Variants in MDN1 observed in about 807,000 individuals in gnomAD.
The protein encoded by MDN1 is midasin AAA ATPase 1.
MDN1 carries 266 observed loss-of-function variants against 669.2 expected under a neutral mutation model. The observed-to-expected ratio is 0.40, with a 90% CI of 0.36 to 0.44. The LOEUF is 0.44. Ranked by LOEUF, MDN1 falls within the 20% of genes least tolerant of loss-of-function variation. The pLI is 1.00. For synonymous variants in MDN1, 2,385 were observed against 2,457.1 expected (o/e 0.97, Z 0.87); for missense variants, 5,940 against 6,754.0 (o/e 0.88, Z 4.22).
In MDN1 at chr6:89,699,033, C is replaced by A; in HGVS notation, c.9000G>T (p.Val3000=). The part of the protein sequence containing the change: ...DLWSLLHHQK[V]SPEEITSLWS... ...ACAAAGATGTAATTTCTTCAGGAGA[C>A]ACCTAGAAATAAAGGAATAATTAGG... Residue 3000 remains valine, a splice_region_variant and synonymous_variant, in exon 59 of 102, where the codon GTG becomes GTT. Transcript: ENST00000369393. The A allele has an allele frequency of 6.2e-7, 1 of 1,609,068 alleles. No individual in the cohort carries two copies. Among genetic ancestry groups the A allele is most frequent in the Non-Finnish European group, 8.5e-7 (1 of 1,176,694 alleles).
chr6:89,753,358 C>T (rs1371296628), intron 22 of MDN1, among the ~76,000 whole-genome samples, 154 bp downstream of exon 22: 5 of 151,924 alleles, frequency 3.3e-5, no homozygotes, highest in Admixed American at 2.0e-4. Context: ...GAAACTTTCA[C>T]CATCTAAACA....
intron 82 of MDN1, 131 bp downstream of exon 82, chr6:89,672,069 G>C: frequency 1.1e-6 from 1 of 900,752 alleles, no homozygotes; most frequent in Middle Eastern, 3.4e-4. Context: ...TAAATAAAGA[G>C]ACCAAGTTCT....
rs1325919513 is a variant in MDN1, at chr6:89,785,012, C to T, written c.1449G>A (p.Glu483=). 1 of 1,600,640 alleles carries T rather than the reference C, an allele frequency of 6.2e-7. No homozygotes were observed. Residue 483 remains glutamate, a splice_region_variant and synonymous_variant, in exon 9 of 102, where the codon GAG becomes GAA. Coordinates refer to ENST00000369393, the MANE Select transcript of MDN1 (RefSeq NM_014611.3). The stretch of plus-strand genomic sequence containing the variant: ...TTGATACTTTCCAAGACCCACGTAC[C>T]TCATTCAGTTCTCTCTTATCCAGGT... The part of the protein sequence containing the change: ...LDNLDKRELN[E]VLQSRYPSLL...
intron 2 of MDN1, among the ~76,000 whole-genome samples, chr6:89,801,275 G>A (rs111648679): frequency 1.3e-5 from 2 of 152,126 alleles, no homozygotes. Context: ...TGTAATCCCA[G>A]CACTTTGGGA....
intron 8 of MDN1, among the ~76,000 whole-genome samples, chr6:89,786,293 T>C (rs1403730991): frequency 6.6e-6 from 1 of 151,584 alleles, no homozygotes; most frequent in Non-Finnish European, 1.5e-5. Context: ...AAAATCAAGG[T>C]CTATCAAAAC....
At chr6:89,734,833 T>C (rs1286008248) in intron 33 of MDN1, among the ~76,000 whole-genome samples, 1 of 151,900 alleles carries the variant, frequency 6.6e-6, no homozygotes, top group African/African-American at 2.4e-5. Context: ...AACTATACAG[T>C]TTCTTATCTC....
intron 9 of MDN1, among the ~76,000 whole-genome samples, chr6:89,783,323 G>C (rs1420291264): frequency 1.3e-5 from 2 of 152,096 alleles, no homozygotes; most frequent in African/African-American, 4.8e-5. Flanking sequence ...CCTGTCTTAT[G>C]CGGTTAAGAT....
At chr6:89,754,013 A>G in intron 21 of MDN1, 70 bp downstream of exon 21, 2 of 1,499,902 alleles carry the variant, frequency 1.3e-6, no homozygotes, top group Non-Finnish European at 1.8e-6. Flanking sequence ...TGGCATATGC[A>G]TCCCTATTCC....
At chr6:89,759,459 T>C (rs1226546839) in intron 17 of MDN1, among the ~76,000 whole-genome samples, 2 of 152,162 alleles carry the variant, frequency 1.3e-5, no homozygotes, top group Non-Finnish European at 2.9e-5. Flanking sequence ...GTTTTAGAAA[T>C]AATCCTATTA....
chr6:89,671,011 G>C lies in MDN1; in HGVS notation c.13864C>G (p.Leu4622Val). 6.2e-6 allele frequency: 10 copies of C among 1,614,126 alleles called. No individual in the cohort carries two copies. Among genetic ancestry groups the C allele is most frequent in the Non-Finnish European group, 8.5e-6 (10 of 1,180,016 alleles). The part of the protein sequence containing the change: ...PVLSSYSDLV[L>V]FFLTMSLATH... Reference sequence around the variant, plus strand: ...GCTAAAGACATGGTCAGGAAGAAGAGGACGAGGTCTGAGTAGCTGGAGAGG... The same window carrying C: ...GCTAAAGACATGGTCAGGAAGAAGACGACGAGGTCTGAGTAGCTGGAGAGG... The change falls in exon 83 of 102, where the codon CTC becomes GTC. Residue 4622 changes from leucine (L) to valine (V), a missense_variant. By Grantham distance (32) the Leu-to-Val change is conservative (BLOSUM62 1). Coordinates refer to ENST00000369393, the MANE Select transcript of MDN1 (RefSeq NM_014611.3).
chr6:89,789,701 C>A, intron 7 of MDN1, 79 bp downstream of exon 7: 1 of 1,471,224 alleles, frequency 6.8e-7, no homozygotes, highest in Non-Finnish European at 9.1e-7. Context: ...TAAATCATCA[C>A]CAGAATCACT....
intron 56 of MDN1, 122 bp downstream of exon 56, chr6:89,700,524 G>T: frequency 1.1e-6 from 1 of 886,836 alleles, no homozygotes. Context: ...TTATATAAAG[G>T]TATATAAACT....
At chr6:89,754,784 A>G (rs1817151961) in intron 20 of MDN1, among the ~76,000 whole-genome samples, 1 of 152,218 alleles carries the variant, frequency 6.6e-6, no homozygotes, top group Admixed American at 6.5e-5. Flanking sequence ...TGTGAAATTC[A>G]TGATCAATTA....
At chr6:89,743,778 C>G (rs1265549665) in intron 29 of MDN1, 64 bp from the exon 30 acceptor site, 2 of 1,546,120 alleles carry the variant, frequency 1.3e-6, no homozygotes, top group Non-Finnish European at 1.8e-6. Context: ...TAAACACCCC[C>G]CCTCAGCAAA....
At chr6:89,708,389 G>A in intron 51 of MDN1, 107 bp downstream of exon 51, 1 of 1,372,052 alleles carries the variant, frequency 7.3e-7, no homozygotes, top group Non-Finnish European at 1.0e-6. Flanking sequence ...CAACTTCTCA[G>A]GTTCACAAAA....
chr6:89,743,293 A>G lies in MDN1; in HGVS notation c.4318-13T>C, dbSNP rs747444276. On this transcript the variant is annotated splice_polypyrimidine_tract_variant and intron_variant, in intron 30 of 101. Transcript: ENST00000369393. ...TGTCAATTTCTTCCTATAATTTGAA[A>G]AAGTGGGGAAAATTAAAGGGCAGGT... 21 of 1,613,896 alleles carry G rather than the reference A, an allele frequency of 1.3e-5. No individual in the cohort carries two copies. Among genetic ancestry groups the G allele is most frequent in the South Asian group, 7.7e-5 (7 of 91,066 alleles).
In MDN1 at chr6:89,771,620, G is replaced by A. The variant is rs764027930; in HGVS notation, c.2085C>T (p.Gly695=). The A allele has an allele frequency of 4.3e-6, 7 of 1,613,526 alleles. No individual in the cohort carries two copies. Among genetic ancestry groups the A allele is most frequent in the Middle Eastern group, 1.6e-4 (1 of 6,062 alleles). ...STIQYLAHIT[G]HRLRVVNMNQ... ...TCATATTGACAACCCTCAAACGGTGGCCTTTTATAAAGAAAGTGCAAAAGT... is the reference window on the plus strand; with the variant it reads ...TCATATTGACAACCCTCAAACGGTGACCTTTTATAAAGAAAGTGCAAAAGT... Residue 695 remains glycine, a splice_region_variant and synonymous_variant, in exon 15 of 102, where the codon GGC becomes GGT. Transcript: ENST00000369393.
Position 89,662,080 on chromosome 6 carries a change from T to A in MDN1, c.14565+7A>T. The A allele has an allele frequency of 6.2e-7, 1 of 1,610,300 alleles. No individual in the cohort carries two copies. The highest frequency in any genetic ancestry group is 8.5e-7 in the Non-Finnish European group (1 of 1,178,724). On this transcript the variant is annotated splice_region_variant and intron_variant, in intron 87 of 101. Coordinates refer to ENST00000369393, the MANE Select transcript of MDN1 (RefSeq NM_014611.3). ...AAGAGAGCGGATCAGTTTCAAATCTTCATTACCTCATCTATTTGTTCATTA... is the reference window on the plus strand; with the variant it reads ...AAGAGAGCGGATCAGTTTCAAATCTACATTACCTCATCTATTTGTTCATTA...
intron 26 of MDN1, among the ~76,000 whole-genome samples, 166 bp downstream of exon 26, chr6:89,749,057 G>A (rs949199524): frequency 6.6e-6 from 1 of 151,762 alleles, no homozygotes; most frequent in Non-Finnish European, 1.5e-5. Context: ...GAGTGAGACT[G>A]TGTCTTGCAA....
Sources: gnomAD v4.1 joint callset for allele counts (sites outside exome capture counted in the v4.1 genomes callset) on GRCh38, gnomAD v4.1.1 for gene constraint, MANE v1.5 for transcripts, NCBI Gene and HGNC (gene_info 2026-07-23, HGNC 2026-07-21) for gene names.